Variants in TMEM74 observed in about 807,000 individuals in gnomAD.
The protein encoded by TMEM74 is transmembrane protein 74.
A neutral mutation model predicts 18.1 loss-of-function variants in TMEM74; 13 were observed. The ratio of observed to expected loss-of-function variants is 0.72; its 90% CI spans 0.47 to 1.14. The LOEUF (loss-of-function observed/expected upper bound fraction) is 1.14. Ranked by LOEUF, TMEM74 falls within the 50% of genes most tolerant of loss-of-function variation. TMEM74 has a pLI of 0.00. For missense variants in TMEM74, 372 were observed against 375.9 expected (o/e 0.99, Z 0.09); for synonymous variants, 159 against 146.6 (o/e 1.08, Z -0.61).
At chr8:108,666,699 G>T (rs1211239700) in intron 1 of TMEM74, among the ~76,000 whole-genome samples, 1 of 152,092 alleles carries the variant, frequency 6.6e-6, no homozygotes, top group Non-Finnish European at 1.5e-5. Context: ...GACTTTACAA[G>T]ACATAATGTG....
chr8:108,611,927 A>G (rs1416616892), intron 2 of TMEM74, among the ~76,000 whole-genome samples: 1 of 152,230 alleles, frequency 6.6e-6, no homozygotes, highest in Non-Finnish European at 1.5e-5. Flanking sequence ...GCCTCAGGAA[A>G]CTTACAATCA....
At chr8:108,750,289 G>C (rs1221421411) in intron 1 of TMEM74, among the ~76,000 whole-genome samples, 1 of 152,122 alleles carries the variant, frequency 6.6e-6, no homozygotes, top group Non-Finnish European at 1.5e-5. Context: ...ATTCATTTTA[G>C]ATAACACCTA....
At chr8:108,770,052 AT>A (rs1814154340) in intron 1 of TMEM74, among the ~76,000 whole-genome samples, 1 of 151,448 alleles carries the variant, frequency 6.6e-6, no homozygotes, top group South Asian at 2.1e-4. Context: ...CCTAGGTAAA[AT>A]TTTTCATTAC....
intron 1 of TMEM74, among the ~76,000 whole-genome samples, chr8:108,726,795 G>A (rs1813643357): frequency 6.6e-6 from 1 of 151,648 alleles, no homozygotes; most frequent in Admixed American, 6.6e-5. Context: ...GGAGGGTTGA[G>A]GTGAAAAATA....
intron 2 of TMEM74, among the ~76,000 whole-genome samples, chr8:108,626,953 G>A (rs1812500122): frequency 6.6e-6 from 1 of 151,904 alleles, no homozygotes; most frequent in African/African-American, 2.4e-5. Flanking sequence ...AGAAGATTAG[G>A]TAATTTTGGA....
intron 1 of TMEM74, among the ~76,000 whole-genome samples, chr8:108,665,767 A>G (rs1227750017): frequency 6.6e-6 from 1 of 152,138 alleles, no homozygotes; most frequent in Non-Finnish European, 1.5e-5. Flanking sequence ...AATAGATAAC[A>G]GTACTATTTT....
At position 108,784,067 on chromosome 8, in the gene TMEM74, T is replaced by C; in HGVS notation, c.*114A>G. 1.1e-6 allele frequency: 1 copy of C among 912,156 alleles called. No individual in the cohort carries two copies. 56.5% of individuals were successfully genotyped at this position (912,156 alleles called of 1,614,324 possible). On this transcript the variant is annotated 3_prime_UTR_variant, in exon 2 of 2. Coordinates refer to ENST00000297459, the MANE Select transcript of TMEM74 (RefSeq NM_153015.3). ...CAAAAACACTTACTGGCTGTTGGTTTGTGAAATAAACTTTTCTTGCCAGGC... is the reference window on the plus strand; with the variant it reads ...CAAAAACACTTACTGGCTGTTGGTTCGTGAAATAAACTTTTCTTGCCAGGC...
chr8:108,768,424 T>C (rs1483611267), intron 1 of TMEM74, among the ~76,000 whole-genome samples: 1 of 152,196 alleles, frequency 6.6e-6, no homozygotes, highest in East Asian at 1.9e-4. Flanking sequence ...GATCCTATCA[T>C]CTGAGTGTTC....
downstream of TMEM74, among the ~76,000 whole-genome samples, chr8:108,777,860 C>T (rs1410342743): frequency 6.6e-6 from 1 of 152,026 alleles, no homozygotes; most frequent in Non-Finnish European, 1.5e-5. Context: ...TAGTAAGAAC[C>T]CAAGAAAGTA....
At chr8:108,696,310 C>T (rs763825143) in intron 1 of TMEM74, among the ~76,000 whole-genome samples, 1 of 152,156 alleles carries the variant, frequency 6.6e-6, no homozygotes, top group Non-Finnish European at 1.5e-5. Flanking sequence ...GGTAATTATA[C>T]ATTTCTATAT....
chr8:108,608,063 G>C (rs1355564061), intron 3 of TMEM74, among the ~76,000 whole-genome samples: 1 of 152,028 alleles, frequency 6.6e-6, no homozygotes, highest in East Asian at 1.9e-4. Flanking sequence ...CAGCACTTTG[G>C]GAGGCCGAGG....
intron 1 of TMEM74, among the ~76,000 whole-genome samples, chr8:108,668,563 T>C (rs1351802035): frequency 6.6e-6 from 1 of 152,118 alleles, no homozygotes; most frequent in African/African-American, 2.4e-5. Context: ...GCTACACTTA[T>C]TCCCATTTTA....
intron 1 of TMEM74, among the ~76,000 whole-genome samples, chr8:108,666,732 A>G (rs569958414): frequency 6.6e-6 from 1 of 152,274 alleles, no homozygotes; most frequent in African/African-American, 2.4e-5. Flanking sequence ...CTCTTGGCCC[A>G]GATTTAAGAG....
chr8:108,657,398 A>T (rs567392899), intron 1 of TMEM74, among the ~76,000 whole-genome samples: 1 of 152,098 alleles, frequency 6.6e-6, no homozygotes, highest in South Asian at 2.1e-4. Flanking sequence ...CACCAGCATA[A>T]CAAGTTTGGG....
chr8:108,657,969 ATTAAAATTT>A (rs1355099419), intron 1 of TMEM74, among the ~76,000 whole-genome samples: 7 of 148,118 alleles, frequency 4.7e-5, no homozygotes, highest in Non-Finnish European at 1.0e-4. Context: ...GTCAGCATAA[ATTAAAATTT>A]GAAGGAACAA....
chr8:108,662,559 T>A (rs1812911133), intron 1 of TMEM74, among the ~76,000 whole-genome samples: 1 of 152,162 alleles, frequency 6.6e-6, no homozygotes, highest in African/African-American at 2.4e-5. Context: ...GTTTTTTGAC[T>A]TAGAGTTTTT....
In TMEM74 at chr8:108,622,379, A is replaced by T. The variant is rs528935851; in HGVS notation, n.265-13553T>A. ...AAAGAGTTGAAATAGCTTGCTCAAG[A>T]TCCCACAACTGGTAATTTGTGGGGA... is the stretch of plus-strand genomic sequence containing the variant. On this transcript the variant is annotated intron_variant and non_coding_transcript_variant, in intron 2 of 3. Transcript: ENST00000518838. Among the ~76,000 whole-genome samples the T allele has an allele frequency of 5.9e-5, 9 of 152,240 alleles. No individual in the cohort carries two copies. The South Asian group carries it at 1.9e-3, about 32-fold the overall frequency.
chr8:108,650,763 T>C (rs1812765919), intron 2 of TMEM74, among the ~76,000 whole-genome samples: 1 of 152,024 alleles, frequency 6.6e-6, no homozygotes, highest in African/African-American at 2.4e-5. Flanking sequence ...CAGGCTGGAG[T>C]GCAATGGCAT....
At chr8:108,690,768 C>G (rs1475708549) in intron 1 of TMEM74, among the ~76,000 whole-genome samples, 1 of 152,076 alleles carries the variant, frequency 6.6e-6, no homozygotes, top group Admixed American at 6.5e-5. Context: ...TTGCAGTGAG[C>G]TGAGATTGTG....
Sources: allele counts gnomAD v4.1 joint callset (sites outside exome capture counted in the v4.1 genomes callset), GRCh38; gene constraint gnomAD v4.1.1; transcripts MANE v1.5; gene names NCBI Gene and HGNC (gene_info 2026-07-23, HGNC 2026-07-21).